Variants in LAMA5 observed in about 807,000 individuals in gnomAD.
The protein encoded by LAMA5 is laminin subunit alpha-5.
A neutral mutation model predicts 433.4 loss-of-function variants in LAMA5; 260 were observed. That is an observed-to-expected ratio of 0.60 (90% confidence interval 0.54 to 0.66). The LOEUF is 0.66. Among genes scored for constraint, LAMA5 ranks in the 30% least tolerant of loss-of-function variants. The probability of loss-of-function intolerance (pLI) is 0.00; values close to 1 mark genes in which losing one functional copy is unlikely to be tolerated. For synonymous variants in LAMA5, 2,620 were observed against 2,226.6 expected, an observed-to-expected ratio of 1.18 and a Z score of -4.97; for missense variants, 5,378 against 5,258.5, an observed-to-expected ratio of 1.02 and a Z score of -0.70.
rs529226083 is a variant in LAMA5 at position 62,352,502 on chromosome 20, A to G, written c.569-142T>C. On this transcript the variant is annotated intron_variant, in intron 3 of 79. Transcript: ENST00000252999. Reference sequence around the variant, plus strand: ...GGCCGCGTGACAGAGACCACAGCTCACTGGCTGAAGGGGCCTGGCCCGTTG... The same window carrying G: ...GGCCGCGTGACAGAGACCACAGCTCGCTGGCTGAAGGGGCCTGGCCCGTTG... The G allele has an allele frequency of 6.2e-6, 4 of 644,078 alleles. No homozygotes were observed. In the African/African-American group the frequency reaches 7.2e-5, roughly 12 times the overall value. 39.9% of individuals were successfully genotyped at this position (644,078 alleles called of 1,614,324 possible).
chr20:62,331,912 C>T (rs1358968383), intron 28 of LAMA5, among the ~76,000 whole-genome samples: 1 of 152,004 alleles, frequency 6.6e-6, no homozygotes, highest in Non-Finnish European at 1.5e-5. Flanking sequence ...ATTAGCCAGG[C>T]GTGGTGGTGA....
At chr20:62,361,644 C>T (rs1354300685) in intron 2 of LAMA5, among the ~76,000 whole-genome samples, 2 of 152,238 alleles carry the variant, frequency 1.3e-5, no homozygotes, top group African/African-American at 4.8e-5. Context: ...GCCCCCACTC[C>T]AGGCACTGGC....
At chr20:62,319,597 C>G in intron 51 of LAMA5, 87 bp downstream of exon 51, 1 of 921,530 alleles carries the variant, frequency 1.1e-6, no homozygotes. Flanking sequence ...CCTGTTCTTC[C>G]AGGCCAAGCT....
chr20:62,353,330 C>T, intron 2 of LAMA5, 79 bp from the exon 3 acceptor site: 1 of 1,063,036 alleles, frequency 9.4e-7, no homozygotes, highest in Non-Finnish European at 1.4e-6. Flanking sequence ...ATTTTCTGCC[C>T]CTCAGGTGAG....
chr20:62,361,166 G>T (rs1390952769), intron 2 of LAMA5, among the ~76,000 whole-genome samples: 1 of 152,148 alleles, frequency 6.6e-6, no homozygotes, highest in African/African-American at 2.4e-5. Context: ...GAGAGATGAG[G>T]GACCCCCAGG....
intron 2 of LAMA5, among the ~76,000 whole-genome samples, chr20:62,360,297 G>T: frequency 1.9e-5 from 1 of 52,536 alleles, no homozygotes; most frequent in African/African-American, 9.1e-5. Flanking sequence ...AATAAAGGGT[G>T]GGTGCTGCAT....
At chr20:62,323,884 A>AG (rs1260124266) in intron 43 of LAMA5, 28 bp from the exon 44 acceptor site, 1 of 1,582,132 alleles carries the variant, frequency 6.3e-7, no homozygotes, top group South Asian at 1.1e-5. Flanking sequence ...GTCAGTCACT[A>AG]GGCCCCTGGC....
Position 62,324,714 on chromosome 20 carries a change from G to T in LAMA5, c.5530-160C>A, listed in dbSNP as rs1364355327. 1.8e-5 allele frequency: 11 copies of T among 602,916 alleles called. No individual in the cohort carries two copies. Among genetic ancestry groups the T allele is most frequent in the Non-Finnish European group, 2.7e-5 (9 of 332,760 alleles). 37.3% of individuals were successfully genotyped at this position (602,916 alleles called of 1,614,324 possible). Reference sequence around the variant, plus strand: ...GGTCAGAGGCTGGTCAGGAACTCCTGGCCTCGGCCGGCTGGAGGTGGGCCA... The same window carrying T: ...GGTCAGAGGCTGGTCAGGAACTCCTTGCCTCGGCCGGCTGGAGGTGGGCCA... On this transcript the variant is annotated intron_variant, in intron 41 of 79. Coordinates refer to ENST00000252999, the MANE Select transcript of LAMA5 (RefSeq NM_005560.6). This position sits in a 1 kb window ranked among gnomAD's most constrained non-coding sequence, Gnocchi z 4.4.
chr20:62,362,256 C>G (rs1434198609), intron 2 of LAMA5, 144 bp downstream of exon 2: 21 of 785,608 alleles, frequency 2.7e-5, no homozygotes, highest in Non-Finnish European at 1.8e-6. Flanking sequence ...GGGACTCCCC[C>G]CACCAAGTCC....
chr20:62,327,123 A>AC, intron 38 of LAMA5, 110 bp downstream of exon 38: 4 of 1,187,390 alleles, frequency 3.4e-6, no homozygotes, highest in Middle Eastern at 2.9e-4. Flanking sequence ...ACCCTCACGG[A>AC]CCCCCATGGA....
At chr20:62,316,536 T>C in intron 57 of LAMA5, 135 bp downstream of exon 57, 1 of 648,614 alleles carries the variant, frequency 1.5e-6, no homozygotes, top group Non-Finnish European at 2.5e-6. Context: ...GGGAGCCATC[T>C]CCAAAGCTCT....
Position 62,327,968 on chromosome 20 carries a change from A to G in LAMA5, c.4695T>C (p.Ser1565=), listed in dbSNP as rs143224228. The G allele has an allele frequency of 9.3e-6, 15 of 1,612,326 alleles. No individual in the cohort carries two copies. In the African/African-American group the frequency reaches 2.0e-4, roughly 22 times the overall value. ...AGCGGGGGTAGCCATGGAAGCCCGGAGAGCAGGTATCACAGCGGCGCCCAG... is the reference window on the plus strand; with the variant it reads ...AGCGGGGGTAGCCATGGAAGCCCGGGGAGCAGGTATCACAGCGGCGCCCAG... The part of the protein sequence containing the change: ...NVTGRRCDTC[S]PGFHGYPRCR... The change falls in exon 36 of 80, where the codon TCT becomes TCC. Residue 1565 remains serine, a synonymous_variant. Transcript: ENST00000252999.
rs750915588 is a variant in LAMA5 at position 62,311,032 on chromosome 20, C to T, written c.10151G>A (p.Arg3384His). 47 of 1,608,944 alleles carry T rather than the reference C, an allele frequency of 2.9e-5. No homozygotes were observed. The Middle Eastern group carries it at 9.9e-4, about 34-fold the overall frequency. The change falls in exon 74 of 80, where the codon CGT becomes CAT. Residue 3384 changes from arginine (R) to histidine (H), a missense_variant. Coordinates refer to ENST00000252999, the MANE Select transcript of LAMA5 (RefSeq NM_005560.6). ...CAGGGAGGGGCTGCCGGGCCTCAGA[C>T]GGGCAGTGAAGAGGAGGAGGCCTCG... The part of the protein sequence containing the change: ...SSRGLLLFTA[R>H]LRPGSPSLAL...
At chr20:62,338,910 C>T (rs934090644) in intron 11 of LAMA5, among the ~76,000 whole-genome samples, 1 of 151,658 alleles carries the variant, frequency 6.6e-6, no homozygotes, top group South Asian at 2.1e-4. Flanking sequence ...AGTGGTGCAC[C>T]CCTGTAATCC....
chr20:62,345,831 G>A lies in LAMA5; in HGVS notation c.1464C>T (p.Ala488=), dbSNP rs11204472. The A allele has an allele frequency of 0.66, 1,020,933 of 1,550,416 alleles. 346,295 individuals are homozygous for A. The highest frequency in any genetic ancestry group is 0.78 in the East Asian group (31,994 of 41,018). Residue 488 remains alanine (A), a synonymous_variant, in exon 11 of 80, where the codon GCC becomes GCT. Coordinates refer to ENST00000252999, the MANE Select transcript of LAMA5 (RefSeq NM_005560.6). ...AAGGACACTTACTCACAATCTGGCC[G>A]GCTGGCAGCACCTGCTCCCTGGTGT... The part of the protein sequence containing the change: ...SNDTREQVLP[A]GQIVNCDCSA...
chr20:62,334,771 G>GAGGGCGAGGGCGAGGGCA, intron 20 of LAMA5, 150 bp from the exon 21 acceptor site: 2 of 687,670 alleles, frequency 2.9e-6, no homozygotes, highest in Non-Finnish European at 4.9e-6. Context: ...GGGCGAGGGC[G>GAGGGCGAGGGCGAGGGCA]AGGGTGAGGG....
At chr20:62,363,136 A>AC (rs967750423) in intron 1 of LAMA5, among the ~76,000 whole-genome samples, 32 of 151,608 alleles carry the variant, frequency 2.1e-4, no homozygotes, top group African/African-American at 2.9e-4. Flanking sequence ...AGGCGGCCAG[A>AC]CCCCCCCCCA....
intron 35 of LAMA5, 111 bp downstream of exon 35, chr20:62,328,130 G>A: frequency 6.6e-7 from 1 of 1,514,714 alleles, no homozygotes; most frequent in South Asian, 1.2e-5. Context: ...GGGCGCTGCT[G>A]CACCCAGGGA....
At position 62,313,826 on chromosome 20, in the gene LAMA5, C is replaced by T. The variant is rs201442662; in HGVS notation, c.8505-24G>A. 2.8e-5 allele frequency: 45 copies of T among 1,606,360 alleles called. No homozygotes were observed. In the East Asian group the frequency reaches 4.9e-4, roughly 18 times the overall value. On this transcript the variant is annotated intron_variant, in intron 62 of 79. Transcript: ENST00000252999. ...TCCTGAGGGCAGAGGCGAGGGGTGGCGAGTGGGCACGGAGAGATGAGGGGT... is the reference window on the plus strand; with the variant it reads ...TCCTGAGGGCAGAGGCGAGGGGTGGTGAGTGGGCACGGAGAGATGAGGGGT...
Sources: allele counts gnomAD v4.1 joint callset (sites outside exome capture counted in the v4.1 genomes callset), GRCh38; gene constraint gnomAD v4.1.1; non-coding constraint Gnocchi (gnomAD v3.1); transcripts MANE v1.5; gene names NCBI Gene and HGNC (gene_info 2026-07-23, HGNC 2026-07-21).